The following GRIK2 variants were observed in gnomAD, a reference collection of about 807,000 sequenced individuals.
GRIK2 encodes glutamate ionotropic receptor kainate type subunit 2.
A neutral mutation model predicts 100.3 loss-of-function variants in GRIK2; 32 were observed. The ratio of observed to expected loss-of-function variants is 0.32; its 90% CI spans 0.24 to 0.43. The LOEUF (loss-of-function observed/expected upper bound fraction) is 0.43, where lower values mean the gene tolerates loss of function less well. Ranked by LOEUF, GRIK2 falls within the 20% of genes least tolerant of loss-of-function variation. The pLI is 1.00. For synonymous variants in GRIK2, 417 were observed against 389.4 expected, an observed-to-expected ratio of 1.07 and a Z score of -0.83; for missense variants, 843 against 1,114.9, an observed-to-expected ratio of 0.76 and a Z score of 3.47.
chr6:101,520,391 T>C (rs1175392816), intron 2 of GRIK2, among the ~76,000 whole-genome samples: 2 of 150,548 alleles, frequency 1.3e-5, no homozygotes, highest in African/African-American at 4.9e-5. Context: ...TATTACATTA[T>C]ATATTATTTC....
At chr6:101,855,169 C>T (rs1784358457) in intron 10 of GRIK2, among the ~76,000 whole-genome samples, 1 of 152,024 alleles carries the variant, frequency 6.6e-6, no homozygotes, top group East Asian at 1.9e-4. Flanking sequence ...AGTTTTAAGC[C>T]TTTATGATGA....
intron 7 of GRIK2, among the ~76,000 whole-genome samples, chr6:101,767,934 T>C (rs1778138954): frequency 6.6e-6 from 1 of 152,090 alleles, no homozygotes; most frequent in Non-Finnish European, 1.5e-5. Context: ...CTCAGCTCAC[T>C]GTTAACTTGT....
chr6:101,836,661 ATTTTT>A lies in GRIK2; in HGVS notation c.1317+18196_1317+18200del, dbSNP rs1194200766. Among the ~76,000 whole-genome samples the A allele has an allele frequency of 3.1e-3, 182 of 57,804 alleles. 1 individual carries two copies. The highest frequency in any genetic ancestry group is 0.014 in the African/African-American group (172 of 12,692). 37.9% of individuals were successfully genotyped at this position (57,804 alleles called of 152,430 possible). On this transcript the variant is annotated intron_variant, in intron 10 of 16. Coordinates refer to ENST00000369134, the MANE Select transcript of GRIK2 (RefSeq NM_021956.5). ...TGTATGTGTATATATATATATATAT[ATTTTT>A]TTTTTTTTTTTTTTTTTGAGACAGA...
intron 4 of GRIK2, among the ~76,000 whole-genome samples, chr6:101,661,410 C>T (rs988299015): frequency 3.1e-4 from 47 of 152,190 alleles, no homozygotes; most frequent in Admixed American, 3.1e-3. Flanking sequence ...GCTTGCTGGG[C>T]TCGGTGGGGG....
chr6:102,054,857 A>G (rs1164126493), intron 15 of GRIK2, among the ~76,000 whole-genome samples: 3 of 152,174 alleles, frequency 2.0e-5, no homozygotes, highest in Non-Finnish European at 4.4e-5. Flanking sequence ...AAAAGATACC[A>G]TTGAATACAG....
At chr6:101,823,133 C>T (rs976973057) in intron 10 of GRIK2, among the ~76,000 whole-genome samples, 2 of 152,070 alleles carry the variant, frequency 1.3e-5, no homozygotes, top group Non-Finnish European at 2.9e-5. Context: ...TCATTTAGTA[C>T]TTAGTTTTCT....
intron 7 of GRIK2, among the ~76,000 whole-genome samples, chr6:101,786,008 G>A (rs1175785155): frequency 6.6e-6 from 1 of 151,912 alleles, no homozygotes; most frequent in Non-Finnish European, 1.5e-5. Flanking sequence ...ATTTTTTGTA[G>A]GTTTCATTGT....
chr6:101,879,604 C>T (rs908423805), intron 11 of GRIK2, among the ~76,000 whole-genome samples: 1 of 151,822 alleles, frequency 6.6e-6, no homozygotes, highest in Non-Finnish European at 1.5e-5. Flanking sequence ...ACCTAAAGGA[C>T]AGCGACAATT....
intron 9 of GRIK2, among the ~76,000 whole-genome samples, chr6:101,817,718 G>T (rs937621140): frequency 3.3e-5 from 5 of 152,188 alleles, no homozygotes; most frequent in African/African-American, 4.8e-5. Flanking sequence ...TCTATCAGAA[G>T]ATATTAGTTA....
At chr6:102,026,134 A>G (rs916806341) in intron 14 of GRIK2, among the ~76,000 whole-genome samples, 1 of 73,436 alleles carries the variant, frequency 1.4e-5, no homozygotes, top group Non-Finnish European at 3.5e-5. Flanking sequence ...ATATATATAT[A>G]TATATATATA....
intron 14 of GRIK2, among the ~76,000 whole-genome samples, chr6:101,995,852 C>G (rs868714653): frequency 3.2e-4 from 48 of 151,982 alleles, no homozygotes; most frequent in African/African-American, 1.1e-3. Flanking sequence ...TTGTTTAAGT[C>G]TAGTTTAAAC....
chr6:101,406,044 C>A (rs1486421080), intron 2 of GRIK2, among the ~76,000 whole-genome samples: 2 of 152,170 alleles, frequency 1.3e-5, no homozygotes, highest in African/African-American at 4.8e-5. Context: ...CTGCTTCCCT[C>A]ACATCTCTTT....
intron 7 of GRIK2, among the ~76,000 whole-genome samples, chr6:101,795,664 G>C (rs1780251095): frequency 6.6e-6 from 1 of 152,226 alleles, no homozygotes; most frequent in Non-Finnish European, 1.5e-5. Context: ...GGTGTTTGCA[G>C]TGCCTGCAAC....
chr6:101,901,942 C>T (rs2128461854), intron 12 of GRIK2, among the ~76,000 whole-genome samples: 1 of 152,050 alleles, frequency 6.6e-6, no homozygotes, highest in East Asian at 1.9e-4. Context: ...CCTTCTACTT[C>T]ACCATGTACA....
At chr6:101,459,745 C>T (rs2128251995) in intron 2 of GRIK2, among the ~76,000 whole-genome samples, 1 of 151,846 alleles carries the variant, frequency 6.6e-6, no homozygotes, top group South Asian at 2.1e-4. Context: ...TTTTATTGTA[C>T]TCTGCTCTGG....
intron 14 of GRIK2, among the ~76,000 whole-genome samples, chr6:101,940,378 A>T (rs1307735826): frequency 3.3e-5 from 5 of 152,242 alleles, no homozygotes; most frequent in African/African-American, 1.2e-4. Flanking sequence ...GAGTGTACAT[A>T]ATCATTTTAG....
intron 12 of GRIK2, among the ~76,000 whole-genome samples, chr6:101,913,827 A>G (rs983684662): frequency 1.3e-5 from 2 of 151,590 alleles, no homozygotes; most frequent in African/African-American, 4.8e-5. Flanking sequence ...TGATCTATTT[A>G]GATAAACCAT....
At chr6:101,799,906 C>T in intron 8 of GRIK2, 115 bp downstream of exon 8, 1 of 787,508 alleles carries the variant, frequency 1.3e-6, no homozygotes, top group Non-Finnish European at 2.0e-6. Context: ...TTTAAATTTT[C>T]TCTCTTACTC....
chr6:101,608,483 T>G (rs1296856565), intron 2 of GRIK2, among the ~76,000 whole-genome samples: 1 of 151,916 alleles, frequency 6.6e-6, no homozygotes, highest in Admixed American at 6.6e-5. Context: ...GCTATGTAAT[T>G]TGCCTTTCTT....
Sources: gnomAD v4.1 joint callset for allele counts (sites outside exome capture counted in the v4.1 genomes callset) on GRCh38, gnomAD v4.1.1 for gene constraint, MANE v1.5 for transcripts, NCBI Gene and HGNC (gene_info 2026-07-23, HGNC 2026-07-21) for gene names.